Variants in ASTN2 observed in about 807,000 individuals in gnomAD.
ASTN2 encodes astrotactin-2.
In ASTN2, 54 loss-of-function variants were observed where a neutral mutation model predicts 139.8. That is an observed-to-expected ratio of 0.39 (90% CI 0.31 to 0.48). The LOEUF (loss-of-function observed/expected upper bound fraction) is 0.48, where lower values mean the gene tolerates loss of function less well. ASTN2 is among the 20% of genes least tolerant of loss of function. The probability of loss-of-function intolerance (pLI) is 0.95; values close to 1 mark genes in which losing one functional copy is unlikely to be tolerated. For synonymous variants in ASTN2, 756 were observed against 719.5 expected, an observed-to-expected ratio of 1.05 and a Z score of -0.81; for missense variants, 1,565 against 1,725.1, an observed-to-expected ratio of 0.91 and a Z score of 1.64.
intron 10 of ASTN2, among the ~76,000 whole-genome samples, chr9:116,899,664 A>C (rs1833960111): frequency 6.6e-6 from 1 of 152,188 alleles, no homozygotes; most frequent in Non-Finnish European, 1.5e-5. Context: ...TTTGAAACAA[A>C]GATAATAACA....
chr9:117,155,504 G>A (rs1482683356), intron 3 of ASTN2, among the ~76,000 whole-genome samples: 1 of 151,570 alleles, frequency 6.6e-6, no homozygotes, highest in Admixed American at 6.6e-5. Flanking sequence ...GACAGAGAGA[G>A]AGAGACAGAG....
chr9:117,150,448 CAAGT>C (rs897282276), intron 3 of ASTN2, among the ~76,000 whole-genome samples: 5 of 152,254 alleles, frequency 3.3e-5, no homozygotes, highest in Non-Finnish European at 7.4e-5. Flanking sequence ...AAAAAAGGGT[CAAGT>C]AAGTAGACAT....
chr9:116,480,215 AAAG>A (rs1849124279), intron 20 of ASTN2, among the ~76,000 whole-genome samples: 1 of 152,000 alleles, frequency 6.6e-6, no homozygotes, highest in African/African-American at 2.4e-5. Context: ...AGGGAAGTGG[AAAG>A]AAGGAGGGAG....
intron 1 of ASTN2, among the ~76,000 whole-genome samples, chr9:117,318,319 T>C (rs572749266): frequency 2.5e-4 from 38 of 152,288 alleles, no homozygotes; most frequent in African/African-American, 8.9e-4. Flanking sequence ...AAAACTTGCC[T>C]GGCAGAAAAA....
chr9:116,445,662 T>G (rs1588065688), intron 20 of ASTN2, among the ~76,000 whole-genome samples: 1 of 152,188 alleles, frequency 6.6e-6, no homozygotes, highest in Non-Finnish European at 1.5e-5. Context: ...CTTTCTCCAA[T>G]TGCTGGCTGA....
intron 2 of ASTN2, among the ~76,000 whole-genome samples, chr9:117,234,179 C>T (rs1280569574): frequency 6.6e-6 from 1 of 152,186 alleles, no homozygotes; most frequent in Non-Finnish European, 1.5e-5. Context: ...AACTCCTCTC[C>T]TCCCACAGAC....
intron 20 of ASTN2, among the ~76,000 whole-genome samples, chr9:116,444,304 A>G (rs1437706604): frequency 6.6e-6 from 1 of 152,220 alleles, no homozygotes; most frequent in Non-Finnish European, 1.5e-5. Context: ...ACACTTGCTG[A>G]ACCCCAACTA....
At chr9:116,942,114 AC>A (rs869293084) in intron 10 of ASTN2, among the ~76,000 whole-genome samples, 36,997 of 142,096 alleles carry the variant, frequency 0.26, 5,214 homozygotes, top group African/African-American at 0.42. Flanking sequence ...ACACACACAC[AC>A]CACACACACA....
chr9:116,570,925 T>C (rs1853479277), intron 19 of ASTN2, among the ~76,000 whole-genome samples: 1 of 152,224 alleles, frequency 6.6e-6, no homozygotes, highest in East Asian at 1.9e-4. Context: ...TGTTCTCCTT[T>C]TATTTTTTAA....
chr9:116,666,985 T>C (rs566026323), intron 16 of ASTN2, among the ~76,000 whole-genome samples: 251 of 147,766 alleles, frequency 1.7e-3, no homozygotes, highest in Non-Finnish European at 2.9e-3. Flanking sequence ...AGACAGAGTC[T>C]TGCTCTGTCA....
Position 116,820,790 on chromosome 9 carries a change from A to C in ASTN2, c.2041-7T>G, listed in dbSNP as rs188975026. 6.2e-7 allele frequency: 1 copy of C among 1,610,128 alleles called. No individual in the cohort carries two copies. Among genetic ancestry groups the C allele is most frequent in the East Asian group, 2.2e-5 (1 of 44,740 alleles). ...GTTTCAGCTCCTCAGGGCACTGCTC[A>C]GAGAGAGGGCAACAGGGTAGTTATG... On this transcript the variant is annotated splice_region_variant and splice_polypyrimidine_tract_variant and intron_variant, in intron 11 of 22. Coordinates refer to ENST00000313400, the MANE Select transcript of ASTN2 (RefSeq NM_001365068.1).
intron 5 of ASTN2, among the ~76,000 whole-genome samples, chr9:117,060,919 AAAAG>A (rs1202218414): frequency 1.3e-5 from 2 of 152,108 alleles, no homozygotes; most frequent in East Asian, 3.9e-4. Flanking sequence ...GAAAAGAAAA[AAAAG>A]AAAGAAAAAA....
At chr9:116,593,341 A>AACTC (rs754976741) in intron 19 of ASTN2, among the ~76,000 whole-genome samples, 3 of 152,246 alleles carry the variant, frequency 2.0e-5, no homozygotes, top group Non-Finnish European at 4.4e-5. Flanking sequence ...AGGCTGAGGT[A>AACTC]ACTCAGTAGG....
At chr9:117,272,263 C>G (rs1834084559) in intron 2 of ASTN2, among the ~76,000 whole-genome samples, 1 of 152,166 alleles carries the variant, frequency 6.6e-6, no homozygotes, top group Non-Finnish European at 1.5e-5. Flanking sequence ...GTACATTGGC[C>G]CCTTTCAGCC....
intron 4 of ASTN2, among the ~76,000 whole-genome samples, chr9:117,098,514 T>C (rs920389185): frequency 1.3e-5 from 2 of 152,130 alleles, no homozygotes; most frequent in African/African-American, 4.8e-5. Context: ...CAACATTTGA[T>C]CTTTGTCCCA....
At chr9:116,587,664 T>A (rs1028185495) in intron 19 of ASTN2, among the ~76,000 whole-genome samples, 1 of 152,154 alleles carries the variant, frequency 6.6e-6, no homozygotes, top group Non-Finnish European at 1.5e-5. Context: ...AGTGGTTACA[T>A]CCCAACTGCA....
chr9:116,648,255 C>T (rs1857710765), intron 17 of ASTN2, among the ~76,000 whole-genome samples: 1 of 152,096 alleles, frequency 6.6e-6, no homozygotes, highest in Admixed American at 6.6e-5. Context: ...CCGTCTCGGC[C>T]TCCCAAAGTG....
Position 116,451,882 on chromosome 9 carries a change from G to GA in ASTN2, c.3498-9330dup, listed in dbSNP as rs35656090. Among the ~76,000 whole-genome samples, 2,336 of 146,576 alleles carry GA rather than the reference G, an allele frequency of 0.016. 181 individuals are homozygous for GA. The South Asian group carries it at 0.21, about 13-fold the overall frequency. The stretch of plus-strand genomic sequence containing the variant: ...AAATATGAGTGACCTGACCCCTCTT[G>GA]AAAAAAAAAAATGCAGGTTGGCATG... On this transcript the variant is annotated intron_variant, in intron 20 of 22. Transcript: ENST00000313400.
At chr9:116,919,825 C>T (rs764887535) in intron 10 of ASTN2, among the ~76,000 whole-genome samples, 12 of 151,548 alleles carry the variant, frequency 7.9e-5, no homozygotes, top group Admixed American at 3.3e-4. Flanking sequence ...TCTATAGTCC[C>T]ATCCTCTTTG....
Sources: gnomAD v4.1 joint callset for allele counts (sites outside exome capture counted in the v4.1 genomes callset) on GRCh38, gnomAD v4.1.1 for gene constraint, MANE v1.5 for transcripts, NCBI Gene and HGNC (gene_info 2026-07-23, HGNC 2026-07-21) for gene names.